The following SRGAP2 variants were observed in gnomAD, a reference collection of about 807,000 sequenced individuals.
SRGAP2 encodes SLIT-ROBO Rho GTPase activating protein 2.
Under a neutral mutation model 57.2 loss-of-function variants are expected in SRGAP2, and 15 were observed. The observed-to-expected ratio is 0.26, with a 90% CI of 0.18 to 0.40. The LOEUF is 0.40. Among genes scored for constraint, SRGAP2 ranks in the 10% least tolerant of loss-of-function variants. SRGAP2 has a pLI of 1.00. For synonymous variants in SRGAP2, 249 were observed against 248.0 expected (o/e 1.00, Z -0.04); for missense variants, 520 against 669.6 (o/e 0.78, Z 2.47).
chr1:206,239,341 T>G (rs533322205), intron 2 of SRGAP2, among the ~76,000 whole-genome samples: 1 of 149,872 alleles, frequency 6.7e-6, no homozygotes, highest in South Asian at 2.2e-4. Flanking sequence ...GGGAAAGAGA[T>G]AGCAGTTGGA....
At chr1:206,427,099 A>G (rs1660862352) in intron 13 of SRGAP2, among the ~76,000 whole-genome samples, 1 of 151,964 alleles carries the variant, frequency 6.6e-6, no homozygotes, top group Non-Finnish European at 1.5e-5. Context: ...TTCATAGTTC[A>G]GGTCTTACAT....
At chr1:206,455,965 A>G (rs1198206258) in intron 21 of SRGAP2, 1 of 152,308 alleles carries the variant, frequency 6.6e-6, no homozygotes, top group African/African-American at 2.4e-5. Context: ...CCAGGCCCTG[A>G]AACCTGGCCC....
chr1:206,451,302 G>A (rs1393369616), intron 19 of SRGAP2, among the ~76,000 whole-genome samples: 1 of 152,056 alleles, frequency 6.6e-6, no homozygotes, highest in Non-Finnish European at 1.5e-5. Flanking sequence ...GAGCAGCGTG[G>A]TGGGCGTGCA....
intron 14 of SRGAP2, among the ~76,000 whole-genome samples, chr1:206,435,944 T>G (rs1661700532): frequency 6.6e-6 from 1 of 152,192 alleles, no homozygotes; most frequent in African/African-American, 2.4e-5. Context: ...GTCTTTAGAG[T>G]AAAGCTGTAG....
In SRGAP2 at chr1:206,429,248, C is replaced by T. The variant is rs115621174; in HGVS notation, c.1495-914C>T. Among the ~76,000 whole-genome samples, 380 of 152,314 alleles carry T rather than the reference C, an allele frequency of 2.5e-3. 2 individuals carry two copies. Among genetic ancestry groups the T allele is most frequent in the African/African-American group, 8.5e-3 (353 of 41,560 alleles). On this transcript the variant is annotated intron_variant, in intron 13 of 22. Coordinates refer to ENST00000573034, the MANE Select transcript of SRGAP2 (RefSeq NM_015326.5). ...GGAGGCCTGCTTCTTTGCTTAGTAC[C>T]TGTTAGTCCCCACTATTTAGAGTTA...
chr1:206,454,610 G>A lies in SRGAP2; in HGVS notation c.2361-268G>A, dbSNP rs1366558414. On this transcript the variant is annotated intron_variant, in intron 20 of 22. Coordinates refer to ENST00000573034, the MANE Select transcript of SRGAP2 (RefSeq NM_015326.5). This position sits in a 1 kb window ranked among gnomAD's most constrained non-coding sequence, Gnocchi z 4.3. ...GCATGGGGTAGAAGGCAGATGCCTC[G>A]AATCCAGGTGTCCCCTAGCCACGCT... 3 of 457,252 alleles carry A rather than the reference G, an allele frequency of 6.6e-6. No individual in the cohort carries two copies. Among genetic ancestry groups the A allele is most frequent in the Non-Finnish European group, 1.2e-5 (3 of 258,820 alleles). 28.3% of individuals were successfully genotyped at this position (457,252 alleles called of 1,614,324 possible).
chr1:206,272,861 G>A (rs1346573292), intron 2 of SRGAP2, among the ~76,000 whole-genome samples: 27 of 151,602 alleles, frequency 1.8e-4, no homozygotes, highest in African/African-American at 4.6e-4. Context: ...TCCCCAAGGC[G>A]TGTTGTAGGT....
chr1:206,204,828 T>TTGGAGATACATTGAAG (rs1665740940), intron 1 of SRGAP2: 1 of 129,548 alleles, frequency 7.7e-6, no homozygotes, highest in Admixed American at 7.5e-5. Flanking sequence ...CCCTATCCTC[T>TTGGAGATACATTGAAG]AACCCGTTTC....
chr1:206,440,605 T>G (rs1662204468), intron 17 of SRGAP2, among the ~76,000 whole-genome samples: 1 of 151,978 alleles, frequency 6.6e-6, no homozygotes, highest in African/African-American at 2.4e-5. Context: ...TGGAGTACAG[T>G]GGAGCGATCT....
chr1:206,292,711 A>G (rs1671397486), intron 2 of SRGAP2, among the ~76,000 whole-genome samples: 1 of 147,730 alleles, frequency 6.8e-6, no homozygotes, highest in African/African-American at 2.7e-5. Flanking sequence ...ACATCTTTTT[A>G]ATTCTACATG....
chr1:206,443,691 A>T (rs1662509033), intron 17 of SRGAP2, among the ~76,000 whole-genome samples: 1 of 152,140 alleles, frequency 6.6e-6, no homozygotes, highest in South Asian at 2.1e-4. Context: ...TGGCCTAGAT[A>T]TTTCTTTAAA....
At chr1:206,413,588 G>A (rs1442962807) in intron 10 of SRGAP2, among the ~76,000 whole-genome samples, 1 of 152,120 alleles carries the variant, frequency 6.6e-6, no homozygotes, top group Admixed American at 6.5e-5. Context: ...TAGAGAGTAC[G>A]GGCACACTAG....
intron 2 of SRGAP2, among the ~76,000 whole-genome samples, chr1:206,273,932 A>AT (rs1301091910): frequency 3.5e-4 from 49 of 142,004 alleles, no homozygotes; most frequent in Middle Eastern, 3.5e-3. Flanking sequence ...AATTTCTTGG[A>AT]TTTTTTTTTT....
In SRGAP2 at chr1:206,415,986, A is replaced by G; in HGVS notation, c.1441+13A>G. 1 of 778,260 alleles carries G rather than the reference A, an allele frequency of 1.3e-6. No individual in the cohort carries two copies. The highest frequency in any genetic ancestry group is 1.7e-5 in the Admixed American group (1 of 58,776). The allele number at this position is 778,260 out of a possible 1,614,324, so 48.2% of individuals were successfully genotyped here. On this transcript the variant is annotated intron_variant, in intron 11 of 22. Coordinates refer to ENST00000573034, the MANE Select transcript of SRGAP2 (RefSeq NM_015326.5). ...ACCCTGGGAGAAAGTGAGTGTGGGA[A>G]CCCTCTGCTAGAGGCTTGACAGTGA...
Position 206,412,293 on chromosome 1 carries a change from T to C in SRGAP2, c.1357-3596T>C, listed in dbSNP as rs1310625133. On this transcript the variant is annotated intron_variant, in intron 10 of 22. Transcript: ENST00000573034. ...TAAAAACTGAATTGAAGTTTCACAA[T>C]GGCACTAAACAAAATGCCCAATAGA... is the stretch of plus-strand genomic sequence containing the variant. Among the ~76,000 whole-genome samples the C allele has an allele frequency of 2.6e-5, 4 of 152,250 alleles. No homozygotes were observed. The East Asian group carries it at 7.7e-4, about 29-fold the overall frequency.
chr1:206,402,635 C>A (rs1658295395), intron 8 of SRGAP2, among the ~76,000 whole-genome samples: 1 of 151,958 alleles, frequency 6.6e-6, no homozygotes. Context: ...TGTGTGTTAA[C>A]TCCATTCTCA....
chr1:206,445,294 A>G (rs117471985), intron 17 of SRGAP2, among the ~76,000 whole-genome samples: 1,888 of 152,286 alleles, frequency 0.012, 22 homozygotes, highest in South Asian at 0.026. Flanking sequence ...TCCTTGGCCA[A>G]GGTTGGAGGT....
intron 3 of SRGAP2, chr1:206,333,410 T>A (rs1674528019): frequency 3.7e-6 from 5 of 1,349,996 alleles, no homozygotes; most frequent in Non-Finnish European, 4.2e-6. Context: ...TATCTTCAGC[T>A]TCTTCAAGGT....
chr1:206,418,327 G>A (rs922533649), intron 11 of SRGAP2, among the ~76,000 whole-genome samples: 4 of 152,206 alleles, frequency 2.6e-5, no homozygotes, highest in African/African-American at 9.6e-5. Context: ...ACAGTTAGGG[G>A]TAGGGGATGG....
Sources: allele counts gnomAD v4.1 joint callset (sites outside exome capture counted in the v4.1 genomes callset), GRCh38; gene constraint gnomAD v4.1.1; non-coding constraint Gnocchi (gnomAD v3.1); transcripts MANE v1.5; gene names NCBI Gene and HGNC (gene_info 2026-07-23, HGNC 2026-07-21).